Variants in USH2A observed in about 807,000 individuals in gnomAD.
USH2A encodes usherin, also known as Usher syndrome 2A (autosomal recessive, mild).
Under a neutral mutation model 538.9 loss-of-function variants are expected in USH2A, and 443 were observed. The observed-to-expected ratio is 0.82, with a 90% confidence interval of 0.76 to 0.89. The LOEUF (loss-of-function observed/expected upper bound fraction) is 0.89. Ranked by LOEUF, USH2A falls within the 40% of genes least tolerant of loss-of-function variation. The pLI is 0.00. For synonymous variants in USH2A, 2,413 were observed against 2,273.5 expected (o/e 1.06, Z -1.75); for missense variants, 6,633 against 6,324.8 (o/e 1.05, Z -1.65).
chr1:216,141,806 A>T (rs895849241), intron 21 of USH2A, among the ~76,000 whole-genome samples: 1 of 152,170 alleles, frequency 6.6e-6, no homozygotes, highest in Admixed American at 6.5e-5. Flanking sequence ...CATATCCCAG[A>T]CATAATATCC....
At chr1:215,912,492 T>TATATATATATAC (rs759012881) in intron 38 of USH2A, among the ~76,000 whole-genome samples, 1 of 34,998 alleles carries the variant, frequency 2.9e-5, no homozygotes, top group East Asian at 1.4e-3. Flanking sequence ...TATATATATG[T>TATATATATATAC]GTATATATAT....
At chr1:216,072,232 C>T (rs2031580409) in intron 29 of USH2A, among the ~76,000 whole-genome samples, 1 of 152,166 alleles carries the variant, frequency 6.6e-6, no homozygotes, top group Non-Finnish European at 1.5e-5. Context: ...TGCTGAATGC[C>T]TTCCTGTGGT....
At chr1:216,283,850 C>T (rs2036832165) in intron 11 of USH2A, among the ~76,000 whole-genome samples, 1 of 152,038 alleles carries the variant, frequency 6.6e-6, no homozygotes. Flanking sequence ...TTTCACTTTG[C>T]ATATTGAATA....
At chr1:215,797,911 G>A (rs1320283796) in intron 50 of USH2A, among the ~76,000 whole-genome samples, 2 of 152,022 alleles carry the variant, frequency 1.3e-5, no homozygotes, top group Non-Finnish European at 2.9e-5. Flanking sequence ...TCCTCTGATG[G>A]ATCTGGACAA....
intron 9 of USH2A, among the ~76,000 whole-genome samples, chr1:216,312,734 C>T (rs1310369999): frequency 6.6e-6 from 1 of 152,106 alleles, no homozygotes; most frequent in African/African-American, 2.4e-5. Flanking sequence ...TTCATCAGAG[C>T]CGCTTTAAGT....
intron 61 of USH2A, among the ~76,000 whole-genome samples, chr1:215,687,989 TAGAG>T (rs1427635020): frequency 1.3e-5 from 2 of 151,900 alleles, no homozygotes; most frequent in African/African-American, 4.8e-5. Context: ...GATCAAGACA[TAGAG>T]AGAGAATTGG....
intron 21 of USH2A, 143 bp from the exon 22 acceptor site, chr1:216,097,356 G>C: frequency 6.9e-7 from 1 of 1,440,736 alleles, no homozygotes; most frequent in Non-Finnish European, 9.5e-7. Flanking sequence ...GCATGGTCTA[G>C]GCCATTTGGT....
At chr1:215,960,526 G>A (rs1013995305) in intron 37 of USH2A, among the ~76,000 whole-genome samples, 20 of 152,058 alleles carry the variant, frequency 1.3e-4, no homozygotes, top group African/African-American at 4.8e-4. Context: ...ACCCTTGAGA[G>A]TCATTGAGCA....
At chr1:215,635,719 C>T (rs1357124898) in intron 69 of USH2A, among the ~76,000 whole-genome samples, 1 of 151,826 alleles carries the variant, frequency 6.6e-6, no homozygotes, top group East Asian at 1.9e-4. Context: ...CTATGCCTGG[C>T]TAATTTTTGT....
intron 62 of USH2A, 128 bp downstream of exon 62, chr1:215,680,021 A>G (rs1356767935): frequency 1.1e-6 from 1 of 901,392 alleles, no homozygotes; most frequent in Non-Finnish European, 1.8e-6. Context: ...AAGTGCCTGG[A>G]GGAGCTATCA....
chr1:216,388,506 G>A (rs1473286254), intron 3 of USH2A, among the ~76,000 whole-genome samples: 1 of 152,072 alleles, frequency 6.6e-6, no homozygotes, highest in African/African-American at 2.4e-5. Context: ...TTATGACTTG[G>A]AAGGAAAATT....
At chr1:215,781,633 C>T (rs557632123) in intron 54 of USH2A, among the ~76,000 whole-genome samples, 129 of 152,200 alleles carry the variant, frequency 8.5e-4, no homozygotes, top group African/African-American at 3.0e-3. Flanking sequence ...CCGTGCCAGG[C>T]TTTTTTGCCC....
In USH2A at chr1:216,028,083, G is replaced by A. The variant is rs114058813; in HGVS notation, c.6325+18348C>T. ...TTTGAACCCTTATACACATCATTGG[G>A]TAATTTAAAGATTCACAGAAGTGGC... On this transcript the variant is annotated intron_variant, in intron 32 of 71. Transcript: ENST00000307340. 9.2e-3 allele frequency among the ~76,000 whole-genome samples: 1,399 copies of A among 152,186 alleles called. 11 individuals carry two copies. Among genetic ancestry groups the A allele is most frequent in the Non-Finnish European group, 0.013 (852 of 67,996 alleles).
intron 35 of USH2A, among the ~76,000 whole-genome samples, chr1:215,983,773 G>A (rs1571865790): frequency 1.3e-5 from 2 of 152,150 alleles, no homozygotes; most frequent in African/African-American, 4.8e-5. Context: ...ACAAAGATGC[G>A]GACAGGGTTA....
chr1:215,734,921 G>A (rs1426374349), intron 60 of USH2A, among the ~76,000 whole-genome samples: 2 of 152,082 alleles, frequency 1.3e-5, no homozygotes, highest in African/African-American at 4.8e-5. Flanking sequence ...TCACCTTCCT[G>A]TCTTCTTCTG....
chr1:215,807,368 AAC>A (rs1662533151), intron 49 of USH2A, among the ~76,000 whole-genome samples: 1 of 152,142 alleles, frequency 6.6e-6, no homozygotes. Flanking sequence ...ATAGGAAACA[AAC>A]TGAGCGATAT....
chr1:216,159,650 T>C (rs767367633), intron 21 of USH2A, among the ~76,000 whole-genome samples: 1 of 152,072 alleles, frequency 6.6e-6, no homozygotes, highest in Non-Finnish European at 1.5e-5. Context: ...CAGATTTTAG[T>C]GTATAAGTTC....
At chr1:215,670,490 C>T (rs1157690788) in intron 64 of USH2A, among the ~76,000 whole-genome samples, 1 of 152,130 alleles carries the variant, frequency 6.6e-6, no homozygotes, top group South Asian at 2.1e-4. Flanking sequence ...TTTAGGCCAT[C>T]CTCAGAGAAA....
intron 69 of USH2A, 150 bp from the exon 70 acceptor site, chr1:215,634,853 G>C: frequency 7.4e-7 from 1 of 1,359,352 alleles, no homozygotes; most frequent in Non-Finnish European, 1.0e-6. Flanking sequence ...GTGCAGCCTG[G>C]GGTAATGGTT....
Sources: allele counts gnomAD v4.1 joint callset (sites outside exome capture counted in the v4.1 genomes callset), GRCh38; gene constraint gnomAD v4.1.1; transcripts MANE v1.5; gene names NCBI Gene and HGNC (gene_info 2026-07-23, HGNC 2026-07-21).